The following CYP7B1 variants were observed in gnomAD, a reference collection of about 807,000 sequenced individuals.
The protein encoded by CYP7B1 is cytochrome P450 family 7 subfamily B member 1, also known as cytochrome P450 7B1.
A neutral mutation model predicts 42.7 loss-of-function variants in CYP7B1; 29 were observed. The ratio of observed to expected loss-of-function variants is 0.68; its 90% CI spans 0.51 to 0.93. The LOEUF (loss-of-function observed/expected upper bound fraction) is 0.93, where lower values mean the gene tolerates loss of function less well. Ranked by LOEUF, CYP7B1 falls within the 40% of genes least tolerant of loss-of-function variation. CYP7B1 has a pLI of 0.00. For missense variants in CYP7B1, 655 were observed against 600.5 expected (o/e 1.09, Z -0.95); for synonymous variants, 235 against 218.2 (o/e 1.08, Z -0.68).
intron 1 of CYP7B1, among the ~76,000 whole-genome samples, chr8:64,726,814 T>C (rs1011155040): frequency 4.6e-5 from 7 of 152,166 alleles, no homozygotes; most frequent in Admixed American, 1.3e-4. Flanking sequence ...CTTGCCACTT[T>C]TGCATGCACC....
chr8:64,797,857 A>G (rs1804728805), intron 1 of CYP7B1, among the ~76,000 whole-genome samples: 1 of 152,212 alleles, frequency 6.6e-6, no homozygotes, highest in African/African-American at 2.4e-5. Context: ...AATTAAAGTG[A>G]CACACGTCTA....
intron 1 of CYP7B1, among the ~76,000 whole-genome samples, chr8:64,670,302 G>A (rs1806346190): frequency 6.6e-6 from 1 of 152,020 alleles, no homozygotes; most frequent in Non-Finnish European, 1.5e-5. Flanking sequence ...ATGTTTACAT[G>A]TATTTTTCAA....
chr8:64,771,047 C>CTTTTT (rs757503820), intron 1 of CYP7B1, among the ~76,000 whole-genome samples: 3,539 of 42,490 alleles, frequency 0.083, 1,356 homozygotes, highest in Non-Finnish European at 0.11. Flanking sequence ...ATATCAGCAT[C>CTTTTT]TTTTTTTTTT....
intron 1 of CYP7B1, among the ~76,000 whole-genome samples, chr8:64,764,644 TAACCC>T (rs1276476679): frequency 6.6e-6 from 1 of 152,110 alleles, no homozygotes; most frequent in Non-Finnish European, 1.5e-5. Context: ...CTTAACCCAG[TAACCC>T]ACAGATGGCC....
intron 1 of CYP7B1, among the ~76,000 whole-genome samples, chr8:64,700,009 C>A (rs748130909): frequency 4.6e-5 from 7 of 152,068 alleles, no homozygotes; most frequent in Non-Finnish European, 7.4e-5. Flanking sequence ...ACTTGAGTCC[C>A]ACTGCTCATA....
At chr8:64,674,344 T>A (rs754965676) in intron 1 of CYP7B1, among the ~76,000 whole-genome samples, 10 of 152,108 alleles carry the variant, frequency 6.6e-5, no homozygotes, top group Non-Finnish European at 1.2e-4. Context: ...TGCACACCTT[T>A]GTCACTGGCA....
intron 1 of CYP7B1, among the ~76,000 whole-genome samples, chr8:64,763,370 C>T (rs1303253509): frequency 1.3e-5 from 2 of 152,172 alleles, no homozygotes; most frequent in African/African-American, 4.8e-5. Flanking sequence ...AGGCCAAGAA[C>T]CCCAGGTCAG....
intron 1 of CYP7B1, among the ~76,000 whole-genome samples, chr8:64,635,333 G>A (rs1462071908): frequency 6.6e-6 from 1 of 152,142 alleles, no homozygotes; most frequent in East Asian, 1.9e-4. Context: ...TCTACTGGTG[G>A]TATGTGATTG....
chr8:64,599,674 G>A (rs1425086812), intron 5 of CYP7B1, among the ~76,000 whole-genome samples: 1 of 152,142 alleles, frequency 6.6e-6, no homozygotes. Context: ...ATTTGTCTAG[G>A]CACTAATCTT....
At chr8:64,604,594 A>T (rs1805247637) in intron 5 of CYP7B1, 88 bp downstream of exon 5, 1 of 1,516,566 alleles carries the variant, frequency 6.6e-7, no homozygotes, top group East Asian at 2.3e-5. Context: ...CTTCTGGACC[A>T]AAGTGGCAAG....
intron 1 of CYP7B1, among the ~76,000 whole-genome samples, chr8:64,628,017 G>A (rs1270318025): frequency 1.3e-5 from 2 of 152,172 alleles, no homozygotes; most frequent in African/African-American, 4.8e-5. Context: ...CCATGGCTGA[G>A]TAGGGATATA....
At chr8:64,657,924 C>T (rs1806145383) in intron 1 of CYP7B1, among the ~76,000 whole-genome samples, 1 of 152,188 alleles carries the variant, frequency 6.6e-6, no homozygotes, top group Non-Finnish European at 1.5e-5. Context: ...ATTTACTTCT[C>T]ATAGTTCTGG....
At chr8:64,767,363 T>C (rs958609886) in intron 1 of CYP7B1, among the ~76,000 whole-genome samples, 3 of 152,150 alleles carry the variant, frequency 2.0e-5, no homozygotes, top group Admixed American at 1.3e-4. Flanking sequence ...CAAGCGGATA[T>C]TGAAGCCAAA....
intron 1 of CYP7B1, among the ~76,000 whole-genome samples, chr8:64,749,879 C>T (rs181943881): frequency 6.8e-4 from 104 of 152,234 alleles, no homozygotes; most frequent in African/African-American, 2.0e-3. Context: ...AAATATGATA[C>T]GGGAGTTGGA....
At chr8:64,777,542 C>A (rs997090401) in intron 1 of CYP7B1, among the ~76,000 whole-genome samples, 22 of 152,006 alleles carry the variant, frequency 1.4e-4, no homozygotes, top group Non-Finnish European at 8.8e-5. Flanking sequence ...CACGTGCCGA[C>A]TATTTATTAT....
intron 1 of CYP7B1, among the ~76,000 whole-genome samples, chr8:64,717,409 T>C (rs2129632798): frequency 6.6e-6 from 1 of 152,340 alleles, no homozygotes; most frequent in East Asian, 1.9e-4. Context: ...CATTCATGAG[T>C]GCCATTCAGA....
chr8:64,771,362 ATT>A (rs1804224692), intron 1 of CYP7B1, among the ~76,000 whole-genome samples: 1 of 151,972 alleles, frequency 6.6e-6, no homozygotes. Flanking sequence ...GCCCAGCCTC[ATT>A]CTTTTTAAAA....
chr8:64,759,426 C>G lies in CYP7B1; in HGVS notation c.122+39040G>C, dbSNP rs529759226. Among the ~76,000 whole-genome samples, 8 of 152,288 alleles carry G rather than the reference C, an allele frequency of 5.3e-5. No homozygotes were observed. In the South Asian group the frequency reaches 1.7e-3, roughly 32 times the overall value. ...TAAATCTCTAAATATCTATACTTCTCATACTATTTTGCAATAATAAATTCC... is the reference window on the plus strand; with the variant it reads ...TAAATCTCTAAATATCTATACTTCTGATACTATTTTGCAATAATAAATTCC... On this transcript the variant is annotated intron_variant, in intron 1 of 5. Transcript: ENST00000310193.
At chr8:64,786,149 T>C (rs1804522876) in intron 1 of CYP7B1, among the ~76,000 whole-genome samples, 1 of 152,094 alleles carries the variant, frequency 6.6e-6, no homozygotes, top group Non-Finnish European at 1.5e-5. Flanking sequence ...AGCCAAACCA[T>C]ATCATTCTTC....
Sources: allele counts gnomAD v4.1 joint callset (sites outside exome capture counted in the v4.1 genomes callset), GRCh38; gene constraint gnomAD v4.1.1; transcripts MANE v1.5; gene names NCBI Gene and HGNC (gene_info 2026-07-23, HGNC 2026-07-21).